The following DDB2 variants were observed in gnomAD, a reference collection of about 807,000 sequenced individuals.
The protein encoded by DDB2 is damage specific DNA binding protein 2.
A neutral mutation model predicts 50.5 loss-of-function variants in DDB2; 27 were observed. That is an observed-to-expected ratio of 0.53 (90% CI 0.39 to 0.74). DDB2 has a LOEUF of 0.74. Among genes scored for constraint, DDB2 ranks in the 30% least tolerant of loss-of-function variants. The probability of loss-of-function intolerance (pLI) is 0.00; values close to 1 mark genes in which losing one functional copy is unlikely to be tolerated. For synonymous variants in DDB2, 176 were observed against 205.5 expected, an observed-to-expected ratio of 0.86 and a Z score of 1.23; for missense variants, 424 against 545.6, an observed-to-expected ratio of 0.78 and a Z score of 2.22.
At chr11:47,216,723 T>A (rs1168133176) in intron 2 of DDB2, 135 bp from the exon 3 acceptor site, 7 of 1,034,280 alleles carry the variant, frequency 6.8e-6, no homozygotes, top group Non-Finnish European at 1.0e-5. Context: ...AATATTTTCA[T>A]GCACAGGGCA....
intron 2 of DDB2, 89 bp from the exon 3 acceptor site, chr11:47,216,769 C>T: frequency 7.4e-7 from 1 of 1,353,296 alleles, no homozygotes; most frequent in Non-Finnish European, 1.1e-6. Context: ...GGACTTGGAT[C>T]TAGGGCTCAT....
Position 47,238,909 on chromosome 11 carries a change from C to A in DDB2, c.*60C>A, listed in dbSNP as rs990123451. 3.9e-5 allele frequency: 62 copies of A among 1,582,778 alleles called. No homozygotes were observed. Among genetic ancestry groups the A allele is most frequent in the Non-Finnish European group, 5.2e-5 (60 of 1,155,128 alleles). On this transcript the variant is annotated 3_prime_UTR_variant, in exon 10 of 10. Coordinates refer to ENST00000256996, the MANE Select transcript of DDB2 (RefSeq NM_000107.3). ...TTGGAGCCCACACATGGGATCAAGT[C>A]CTGCAAGCAGAGGTGGCGATTTGTT...
At chr11:47,230,748 G>A (rs1275719580) in intron 3 of DDB2, among the ~76,000 whole-genome samples, 1 of 152,190 alleles carries the variant, frequency 6.6e-6, no homozygotes, top group Non-Finnish European at 1.5e-5. Context: ...TGGGATAGCT[G>A]CAGCGTAAAG....
upstream of DDB2, chr11:47,214,781 A>G: frequency 2.8e-6 from 1 of 353,110 alleles, no homozygotes; most frequent in South Asian, 2.7e-5. Context: ...TAAAAAAAAA[A>G]AAAAAATCCA....
At chr11:47,223,773 T>G (rs1953519896) in intron 3 of DDB2, among the ~76,000 whole-genome samples, 1 of 150,082 alleles carries the variant, frequency 6.7e-6, no homozygotes, top group Non-Finnish European at 1.5e-5. Context: ...AGAGCAAGAC[T>G]CCGTCTAAAA....
At chr11:47,233,074 T>C in intron 4 of DDB2, 115 bp downstream of exon 4, 1 of 1,215,792 alleles carries the variant, frequency 8.2e-7, no homozygotes, top group Non-Finnish European at 1.2e-6. Context: ...AGGAAAGATG[T>C]CAGCCACTTT....
intron 3 of DDB2, among the ~76,000 whole-genome samples, chr11:47,224,028 G>C (rs937314392): frequency 4.6e-5 from 7 of 151,966 alleles, no homozygotes; most frequent in African/African-American, 7.3e-5. Context: ...TTAAGCCCAG[G>C]GGGACAAGGC....
chr11:47,221,144 C>T (rs931858568), intron 3 of DDB2, among the ~76,000 whole-genome samples: 2 of 151,952 alleles, frequency 1.3e-5, no homozygotes, highest in African/African-American at 4.8e-5. Flanking sequence ...GCCTGGGCGA[C>T]ACAGTGAGAC....
intron 3 of DDB2, among the ~76,000 whole-genome samples, chr11:47,228,977 A>ATTATCTATCTATC (rs1554974378): frequency 2.7e-4 from 34 of 124,690 alleles, no homozygotes; most frequent in Admixed American, 4.7e-4. Context: ...AAAAAAAGAA[A>ATTATCTATCTATC]TATCTATCTA....
In DDB2 at chr11:47,215,074, C is replaced by A; in HGVS notation, c.-63C>A. On this transcript the variant is annotated 5_prime_UTR_variant, in exon 1 of 10. Coordinates refer to ENST00000256996, the MANE Select transcript of DDB2 (RefSeq NM_000107.3). ...TCCCCGCCTTGTTTCTCCCCAGAGGCCTCTCAATCCTCCCTCCATGATCTT... is the reference window on the plus strand; with the variant it reads ...TCCCCGCCTTGTTTCTCCCCAGAGGACTCTCAATCCTCCCTCCATGATCTT... The A allele has an allele frequency of 3.1e-6, 5 of 1,612,384 alleles. No individual in the cohort carries two copies. Among genetic ancestry groups the A allele is most frequent in the South Asian group, 1.1e-5 (1 of 91,000 alleles).
rs1280607815 is a variant in DDB2 at position 47,215,054 on chromosome 11, G to A, written c.-83G>A. ...GTGGCCCCGCAGTTTTGTAGTCCCC[G>A]CCTTGTTTCTCCCCAGAGGCCTCTC... On this transcript the variant is annotated 5_prime_UTR_variant, in exon 1 of 10. Coordinates refer to ENST00000256996, the MANE Select transcript of DDB2 (RefSeq NM_000107.3). 118 of 1,605,180 alleles carry A rather than the reference G, an allele frequency of 7.4e-5. No homozygotes were observed. Among genetic ancestry groups the A allele is most frequent in the Non-Finnish European group, 9.7e-5 (114 of 1,173,508 alleles).
At chr11:47,232,717 AG>A (rs1477941397) in intron 3 of DDB2, 96 bp from the exon 4 acceptor site, 2 of 1,361,380 alleles carry the variant, frequency 1.5e-6, no homozygotes, top group Non-Finnish European at 2.1e-6. Flanking sequence ...GCGCTGCTCG[AG>A]GGGTGCTTCT....
At chr11:47,235,128 C>T (rs1459682059) in intron 6 of DDB2, 142 bp from the exon 7 acceptor site, 7 of 1,373,866 alleles carry the variant, frequency 5.1e-6, no homozygotes, top group Admixed American at 3.4e-5. Context: ...TGTTGTTGTT[C>T]ACAGCCCAGA....
chr11:47,215,555 C>G (rs920774115), intron 1 of DDB2: 5 of 436,968 alleles, frequency 1.1e-5, no homozygotes, highest in South Asian at 6.3e-5. Flanking sequence ...AGAATCCTAC[C>G]TTTCCTGGCG....
Position 47,232,882 on chromosome 11 carries a change from C to T in DDB2, c.525C>T (p.Ser175=), listed in dbSNP as rs1259393267. 6.2e-7 allele frequency: 1 copy of T among 1,614,030 alleles called. No individual in the cohort carries two copies. Among genetic ancestry groups the T allele is most frequent in the Non-Finnish European group, 8.5e-7 (1 of 1,180,020 alleles). ...NPLNTNQFYA[S]SMEGTTRLQD... ...TCAATACCAACCAGTTTTACGCCTC[C>T]TCAATGGAGGGAACAACTAGGCTGC... The change falls in exon 4 of 10, where the codon TCC becomes TCT. Residue 175 remains serine, a synonymous_variant. Coordinates refer to ENST00000256996, the MANE Select transcript of DDB2 (RefSeq NM_000107.3).
At position 47,234,930 on chromosome 11, in the gene DDB2, C is replaced by T. The variant is rs778504979; in HGVS notation, c.876C>T (p.Asn292=). 43 of 1,614,070 alleles carry T rather than the reference C, an allele frequency of 2.7e-5. No homozygotes were observed. Among genetic ancestry groups the T allele is most frequent in the South Asian group, 9.9e-5 (9 of 91,088 alleles). Residue 292 remains asparagine (N), a synonymous_variant, in exon 6 of 10, where the codon AAC becomes AAT. Coordinates refer to ENST00000256996, the MANE Select transcript of DDB2 (RefSeq NM_000107.3). The part of the protein sequence containing the change: ...LYSLPHRHPV[N]AACFSPDGAR... ...CGCTGCCGCACAGGCATCCTGTCAA[C>T]GCAGGTGTGATATCCCAGACCTCAT...
Position 47,234,749 on chromosome 11 carries a change from C to T in DDB2, c.703-8C>T. On this transcript the variant is annotated splice_region_variant and splice_polypyrimidine_tract_variant and intron_variant, in intron 5 of 9. Transcript: ENST00000256996. ...GTGTCCCCACCTGAACCGAGCTCTT[C>T]TCTGCAGCTTTGGAATCTCAGAATG... The T allele has an allele frequency of 6.2e-7, 1 of 1,614,188 alleles. No homozygotes were observed. The highest frequency in any genetic ancestry group is 8.5e-7 in the Non-Finnish European group (1 of 1,180,012).
intron 6 of DDB2, 146 bp downstream of exon 6, chr11:47,235,080 G>GGCTGTC: frequency 7.9e-7 from 1 of 1,268,128 alleles, no homozygotes; most frequent in South Asian, 1.2e-5. Flanking sequence ...TTGTGGCTGT[G>GGCTGTC]GCTGTCCCCA....
Position 47,237,929 on chromosome 11 carries a change from C to T in DDB2, c.1116C>T (p.Ile372=), listed in dbSNP as rs774277740. ...KSCTPYELRT[I]DVFDGNSGKM... ...GTACCCCTTATGAATTGAGGACGAT[C>T]GACGTGTTCGATGGAAACTCAGGGA... The change falls in exon 8 of 10, where the codon ATC becomes ATT. Residue 372 remains isoleucine, a synonymous_variant. Transcript: ENST00000256996. 4 of 1,614,076 alleles carry T rather than the reference C, an allele frequency of 2.5e-6. No individual in the cohort carries two copies. Among genetic ancestry groups the T allele is most frequent in the South Asian group, 1.1e-5 (1 of 91,074 alleles).
Sources: allele counts gnomAD v4.1 joint callset (sites outside exome capture counted in the v4.1 genomes callset), GRCh38; gene constraint gnomAD v4.1.1; transcripts MANE v1.5; gene names NCBI Gene and HGNC (gene_info 2026-07-23, HGNC 2026-07-21).